Variants in ADAMTS17 observed in about 807,000 individuals in gnomAD.
ADAMTS17 encodes A disintegrin and metalloproteinase with thrombospondin motifs 17.
ADAMTS17 carries 113 observed loss-of-function variants against 141.5 expected under a neutral mutation model. The ratio of observed to expected loss-of-function variants is 0.80; its 90% confidence interval spans 0.69 to 0.93. The LOEUF (loss-of-function observed/expected upper bound fraction) is 0.93, where lower values mean the gene tolerates loss of function less well. Ranked by LOEUF, ADAMTS17 falls within the 40% of genes least tolerant of loss-of-function variation. The pLI, the probability that ADAMTS17 is intolerant of heterozygous loss-of-function variation, is 0.00. For synonymous variants in ADAMTS17, 768 were observed against 630.6 expected (o/e 1.22, Z -3.27); for missense variants, 1,659 against 1,517.9 (o/e 1.09, Z -1.54).
chr15:100,332,443 C>T (rs1176817136), intron 2 of ADAMTS17, among the ~76,000 whole-genome samples: 2 of 152,222 alleles, frequency 1.3e-5, no homozygotes, highest in African/African-American at 4.8e-5. Context: ...TGGGAGGACC[C>T]CCCACCTGCT....
At chr15:100,330,259 T>G (rs867323448) in intron 3 of ADAMTS17, among the ~76,000 whole-genome samples, 1 of 152,216 alleles carries the variant, frequency 6.6e-6, no homozygotes, top group South Asian at 2.1e-4. Context: ...GATCAGGATG[T>G]TGGGGGACAG....
intron 17 of ADAMTS17, among the ~76,000 whole-genome samples, chr15:100,050,208 G>T (rs1226110697): frequency 6.6e-6 from 1 of 152,160 alleles, no homozygotes; most frequent in Non-Finnish European, 1.5e-5. Context: ...GAAGCTGGAA[G>T]TCATCAGTGT....
intron 8 of ADAMTS17, among the ~76,000 whole-genome samples, chr15:100,177,150 C>T (rs180703749): frequency 1.2e-3 from 178 of 152,320 alleles, no homozygotes; most frequent in Admixed American, 2.7e-3. Context: ...AATTGCTGGG[C>T]CATACGTTAA....
chr15:100,114,600 C>G lies in ADAMTS17; in HGVS notation c.1888+2247G>C, dbSNP rs371596015. Among the ~76,000 whole-genome samples, 16 of 152,304 alleles carry G rather than the reference C, an allele frequency of 1.1e-4. No homozygotes were observed. The South Asian group carries it at 3.3e-3, about 32-fold the overall frequency. On this transcript the variant is annotated intron_variant, in intron 13 of 21. Coordinates refer to ENST00000268070, the MANE Select transcript of ADAMTS17 (RefSeq NM_139057.4). ...CCGAGCGTGGGGTCTCTCCTTCAAA[C>G]GCGAGATACTTACTGCCTGGTAGCT...
intron 18 of ADAMTS17, among the ~76,000 whole-genome samples, chr15:100,006,137 A>T (rs191466458): frequency 6.6e-6 from 1 of 152,334 alleles, no homozygotes; most frequent in Non-Finnish European, 1.5e-5. Context: ...ATAAGGTCAC[A>T]TTCTGAGATA....
In ADAMTS17 at chr15:100,341,968, G is replaced by T; in HGVS notation, c.-69C>A. The T allele has an allele frequency of 6.5e-7, 1 of 1,529,972 alleles. No individual in the cohort carries two copies. The allele number at this position is 1,529,972 out of a possible 1,614,324, so 94.8% of individuals were successfully genotyped here. A position where few individuals can be genotyped will look rare whatever the true frequency, so the allele number is the denominator to read the frequency against. The stretch of plus-strand genomic sequence containing the variant: ...AGGAGCGCGCTAGGCGGCGGCGCCA[G>T]CCGGAGTGAAGCCCTCCAGCCTTTG... On this transcript the variant is annotated 5_prime_UTR_variant, in exon 1 of 22. The change creates a new upstream start codon in the 5' untranslated region. Transcript: ENST00000268070.
chr15:100,277,386 C>T (rs2142062092), intron 4 of ADAMTS17, among the ~76,000 whole-genome samples: 1 of 152,288 alleles, frequency 6.6e-6, no homozygotes, highest in South Asian at 2.1e-4. Context: ...CCATTCCCTT[C>T]CCACTCCCTG....
chr15:100,302,021 T>C (rs149537174), intron 3 of ADAMTS17, among the ~76,000 whole-genome samples: 41 of 152,328 alleles, frequency 2.7e-4, no homozygotes, highest in Admixed American at 8.5e-4. Context: ...TTTAGAACAG[T>C]TGCATCACCT....
At chr15:100,012,875 T>G (rs1262962080) in intron 18 of ADAMTS17, among the ~76,000 whole-genome samples, 1 of 152,224 alleles carries the variant, frequency 6.6e-6, no homozygotes, top group Non-Finnish European at 1.5e-5. Flanking sequence ...AGGCTCTTTT[T>G]TGGTTCCATA....
At chr15:100,068,279 C>G (rs111416991) in intron 15 of ADAMTS17, among the ~76,000 whole-genome samples, 4 of 152,036 alleles carry the variant, frequency 2.6e-5, no homozygotes, top group African/African-American at 7.2e-5. Flanking sequence ...TGGAGCCCAC[C>G]GCAGCTCAAG....
intron 4 of ADAMTS17, among the ~76,000 whole-genome samples, chr15:100,276,715 G>A (rs1027170547): frequency 1.3e-5 from 2 of 152,048 alleles, no homozygotes; most frequent in African/African-American, 4.8e-5. Context: ...AGATGGGCTC[G>A]CTGGCATCAC....
rs57796564 is a variant in ADAMTS17 at position 100,180,998 on chromosome 15, C to G, written c.1181+18320G>C. ...TTAGAAATCTACCTGGTGGTCTATT[C>G]TACTGCAGCTAAGCTGACACTCAAA... is the stretch of plus-strand genomic sequence containing the variant. On this transcript the variant is annotated intron_variant, in intron 8 of 21. Transcript: ENST00000268070. Among the ~76,000 whole-genome samples, 1,277 of 152,308 alleles carry G rather than the reference C, an allele frequency of 8.4e-3. 22 individuals are homozygous for G. The highest frequency in any genetic ancestry group is 0.03 in the African/African-American group (1,236 of 41,564).
intron 10 of ADAMTS17, among the ~76,000 whole-genome samples, chr15:100,140,535 A>C (rs2038590721): frequency 6.8e-6 from 1 of 146,558 alleles, no homozygotes; most frequent in South Asian, 2.2e-4. Flanking sequence ...GAATGTATGA[A>C]TGGGATGAAT....
chr15:100,023,031 C>A (rs933626510), intron 18 of ADAMTS17, among the ~76,000 whole-genome samples: 1 of 152,138 alleles, frequency 6.6e-6, no homozygotes, highest in Admixed American at 6.6e-5. Flanking sequence ...AAAGATGTTT[C>A]TGTCTAATCG....
chr15:100,261,742 C>T, intron 5 of ADAMTS17, 106 bp from the exon 6 acceptor site: 6 of 1,316,834 alleles, frequency 4.6e-6, no homozygotes, highest in South Asian at 1.3e-5. Flanking sequence ...CTCACTGAGA[C>T]ATCATTTGAT....
chr15:100,295,268 T>C (rs562628538), intron 3 of ADAMTS17, among the ~76,000 whole-genome samples: 40 of 152,298 alleles, frequency 2.6e-4, no homozygotes, highest in Admixed American at 4.6e-4. Flanking sequence ...CCAGCCCCTC[T>C]TCTGCACGCT....
At chr15:100,142,744 T>C (rs2038718621) in intron 10 of ADAMTS17, among the ~76,000 whole-genome samples, 1 of 152,118 alleles carries the variant, frequency 6.6e-6, no homozygotes, top group Non-Finnish European at 1.5e-5. Flanking sequence ...ATCTCCACAC[T>C]GTACCAAAAG....
intron 12 of ADAMTS17, 96 bp downstream of exon 12, chr15:100,131,911 G>A: frequency 1.9e-6 from 3 of 1,581,798 alleles, no homozygotes; most frequent in Non-Finnish European, 2.6e-6. Flanking sequence ...CTAATGCTCA[G>A]CGGGAGACAG....
intron 8 of ADAMTS17, among the ~76,000 whole-genome samples, chr15:100,159,843 G>C (rs78262994): frequency 0.01 from 1,539 of 152,320 alleles, 8 homozygotes; most frequent in Non-Finnish European, 0.015. Context: ...GGCCTTCATT[G>C]TATCAACGAT....
Sources: gnomAD v4.1 joint callset for allele counts (sites outside exome capture counted in the v4.1 genomes callset) on GRCh38, gnomAD v4.1.1 for gene constraint, MANE v1.5 for transcripts, NCBI Gene and HGNC (gene_info 2026-07-23, HGNC 2026-07-21) for gene names.